The following RALGAPB variants were observed in gnomAD, a reference collection of about 807,000 sequenced individuals.
The protein encoded by RALGAPB is ral GTPase-activating protein subunit beta.
A neutral mutation model predicts 161.1 loss-of-function variants in RALGAPB; 25 were observed. The ratio of observed to expected loss-of-function variants is 0.16; its 90% confidence interval spans 0.11 to 0.22. The LOEUF is 0.22. Ranked by LOEUF, RALGAPB falls within the 10% of genes least tolerant of loss-of-function variation. The pLI, the probability that RALGAPB is intolerant of heterozygous loss-of-function variation, is 1.00. For missense variants in RALGAPB, 1,391 were observed against 1,815.2 expected (o/e 0.77, Z 4.25); for synonymous variants, 629 against 626.1 (o/e 1.00, Z -0.07).
At chr20:38,571,679 A>G (rs2206783) in intron 28 of RALGAPB, among the ~76,000 whole-genome samples, 97,827 of 152,126 alleles carry the variant, frequency 0.64, 36,387 homozygotes, top group East Asian at 0.91. Context: ...GAGTGCTGCT[A>G]TCTCTTTGAG....
intron 1 of RALGAPB, among the ~76,000 whole-genome samples, chr20:38,473,370 G>A (rs1341607858): frequency 6.6e-6 from 1 of 152,198 alleles, no homozygotes; most frequent in Non-Finnish European, 1.5e-5. Flanking sequence ...AGCGGAGCTA[G>A]ACAACTCCCG....
chr20:38,539,301 T>G (rs1283976973), intron 16 of RALGAPB, among the ~76,000 whole-genome samples: 2 of 152,198 alleles, frequency 1.3e-5, no homozygotes, highest in Non-Finnish European at 2.9e-5. Flanking sequence ...AGGTGATAGA[T>G]ACATCCGCTG....
intron 14 of RALGAPB, among the ~76,000 whole-genome samples, chr20:38,532,098 C>T (rs1452789067): frequency 6.6e-6 from 1 of 152,180 alleles, no homozygotes. Flanking sequence ...CTCTGACTCC[C>T]AGGCTTGAGT....
At chr20:38,543,907 T>A (rs1790668264) in intron 18 of RALGAPB, among the ~76,000 whole-genome samples, 1 of 152,210 alleles carries the variant, frequency 6.6e-6, no homozygotes, top group African/African-American at 2.4e-5. Context: ...TTGTACCTGG[T>A]TACATGTGAT....
intron 10 of RALGAPB, among the ~76,000 whole-genome samples, chr20:38,522,996 C>G (rs2086336821): frequency 6.6e-6 from 1 of 152,056 alleles, no homozygotes; most frequent in African/African-American, 2.4e-5. Flanking sequence ...TCTGAGTTCC[C>G]AGTTTTCATT....
chr20:38,513,165 C>T (rs555902093), intron 6 of RALGAPB, among the ~76,000 whole-genome samples: 71 of 152,092 alleles, frequency 4.7e-4, no homozygotes, highest in African/African-American at 1.6e-3. Context: ...CTTAGGAGTT[C>T]GAGACCAGCC....
At chr20:38,509,302 G>A in intron 6 of RALGAPB, 94 bp downstream of exon 6, 2 of 1,348,156 alleles carry the variant, frequency 1.5e-6, no homozygotes, top group Middle Eastern at 2.1e-4. Flanking sequence ...TTCAGAAGGT[G>A]GACACTAAGC....
At chr20:38,502,549 C>T (rs925008649) in intron 5 of RALGAPB, among the ~76,000 whole-genome samples, 11 of 152,176 alleles carry the variant, frequency 7.2e-5, no homozygotes, top group African/African-American at 2.7e-4. Flanking sequence ...TCAATAAACA[C>T]AGTACAGTGC....
chr20:38,493,253 G>T, intron 3 of RALGAPB, 121 bp downstream of exon 3: 1 of 760,494 alleles, frequency 1.3e-6, no homozygotes, highest in South Asian at 1.8e-5. Flanking sequence ...CATGTGTTCA[G>T]TTAAAGATTG....
chr20:38,531,121 T>C (rs777889225), intron 13 of RALGAPB, 46 bp from the exon 14 acceptor site: 3 of 1,440,726 alleles, frequency 2.1e-6, no homozygotes, highest in Admixed American at 3.4e-5. Flanking sequence ...CGCATTTTAG[T>C]GTTCTTGTGT....
chr20:38,492,407 T>A (rs1173349513), intron 2 of RALGAPB, among the ~76,000 whole-genome samples: 1 of 152,208 alleles, frequency 6.6e-6, no homozygotes, highest in Admixed American at 6.5e-5. Flanking sequence ...TGTTTGTTCT[T>A]CATTTTAAGT....
chr20:38,535,289 G>A (rs2086771721), intron 16 of RALGAPB, 82 bp downstream of exon 16: 6 of 1,464,868 alleles, frequency 4.1e-6, no homozygotes, highest in Non-Finnish European at 5.6e-6. Context: ...CCCTTGTGTG[G>A]GTATTTTAGT....
At chr20:38,515,434 C>T (rs972665752) in intron 6 of RALGAPB, among the ~76,000 whole-genome samples, 2 of 152,186 alleles carry the variant, frequency 1.3e-5, no homozygotes, top group East Asian at 3.9e-4. Context: ...ATTGGAGAGG[C>T]TTTTTAATGG....
chr20:38,492,890 A>C (rs997783843), intron 2 of RALGAPB, 40 bp from the exon 3 acceptor site: 1 of 1,492,246 alleles, frequency 6.7e-7, no homozygotes, highest in Non-Finnish European at 9.3e-7. Context: ...CTGAGATAGG[A>C]ACGTGTAATA....
intron 12 of RALGAPB, 78 bp from the exon 13 acceptor site, chr20:38,525,817 T>C: frequency 1.4e-6 from 2 of 1,430,350 alleles, no homozygotes; most frequent in Non-Finnish European, 1.9e-6. Context: ...TACTGATCCG[T>C]TCCTCCATCT....
At chr20:38,503,575 A>G (rs947776062) in intron 5 of RALGAPB, among the ~76,000 whole-genome samples, 1 of 152,198 alleles carries the variant, frequency 6.6e-6, no homozygotes, top group African/African-American at 2.4e-5. Context: ...GGATGAGCAA[A>G]GAGTTTCCTG....
At chr20:38,524,700 A>G (rs1231246615) in intron 10 of RALGAPB, 78 bp from the exon 11 acceptor site, 16 of 1,107,144 alleles carry the variant, frequency 1.4e-5, no homozygotes, top group Non-Finnish European at 2.1e-5. Context: ...ATAGACTTTC[A>G]GTTAACTATG....
chr20:38,519,893 T>TACTGTCATGATTTACA (rs2086238025), intron 9 of RALGAPB, among the ~76,000 whole-genome samples: 1 of 152,226 alleles, frequency 6.6e-6, no homozygotes, highest in African/African-American at 2.4e-5. Context: ...TGGTTAGCTT[T>TACTGTCATGATTTACA]TGATTTACAT....
intron 26 of RALGAPB, chr20:38,569,552 C>T (rs2088149103): frequency 1.0e-5 from 2 of 194,732 alleles, no homozygotes; most frequent in African/African-American, 4.6e-5. Context: ...AAGGATACTG[C>T]TTTCTGGCCC....
Sources: allele counts gnomAD v4.1 joint callset (sites outside exome capture counted in the v4.1 genomes callset), GRCh38; gene constraint gnomAD v4.1.1; transcripts MANE v1.5; gene names NCBI Gene and HGNC (gene_info 2026-07-23, HGNC 2026-07-21).